The following MRPL43 variants were observed in gnomAD, a reference collection of about 807,000 sequenced individuals.
MRPL43 encodes large ribosomal subunit protein mL43.
In MRPL43, 9 loss-of-function variants were observed where a neutral mutation model predicts 12.7. The ratio of observed to expected loss-of-function variants is 0.71; its 90% confidence interval spans 0.43 to 1.24. The LOEUF (loss-of-function observed/expected upper bound fraction) is 1.24. Ranked by LOEUF, MRPL43 falls within the 50% of genes most tolerant of loss-of-function variation. MRPL43 has a pLI of 0.00. For synonymous variants in MRPL43, 116 were observed against 96.4 expected, an observed-to-expected ratio of 1.20 and a Z score of -1.19; for missense variants, 211 against 229.2, an observed-to-expected ratio of 0.92 and a Z score of 0.51.
In MRPL43 at chr10:100,986,843, G is replaced by C. The variant is rs763347299; in HGVS notation, c.371C>G (p.Pro124Arg). 27 of 1,613,902 alleles carry C rather than the reference G, an allele frequency of 1.7e-5. No homozygotes were observed. Among genetic ancestry groups the C allele is most frequent in the Non-Finnish European group, 2.3e-5 (27 of 1,180,034 alleles). ...GGGGTGCCACTGGCCCTGGATGCTA[G>C]GGTTGTCGGTGTGGAAGGGCTTGCG... Reference protein sequence around the residue: ...RIRKPFHTDNPSIQGQWHPFT... With the variant: ...RIRKPFHTDNRSIQGQWHPFT... The change falls in exon 3 of 3, where the codon CCT (proline) becomes CGT (arginine). Residue 124 changes from proline (P) to arginine (R), a missense_variant. By Grantham distance (103) the Pro-to-Arg change is moderately radical. Coordinates refer to ENST00000318364, the MANE Select transcript of MRPL43 (RefSeq NM_032112.3).
chr10:100,981,944 G>C (rs1851100341), downstream of MRPL43, among the ~76,000 whole-genome samples: 1 of 151,722 alleles, frequency 6.6e-6, no homozygotes, highest in African/African-American at 2.4e-5. Flanking sequence ...TGTAATCCCA[G>C]CTACTTGGAA....
chr10:100,983,898 G>GGGCC, downstream of MRPL43: 55 of 1,523,006 alleles, frequency 3.6e-5, no homozygotes, highest in Middle Eastern at 2.4e-4. Flanking sequence ...TGGGGAGGGA[G>GGGCC]CCCCAGCCCC....
downstream of MRPL43, chr10:100,981,383 T>C: frequency 6.2e-7 from 1 of 1,611,984 alleles, no homozygotes; most frequent in Admixed American, 1.7e-5. Context: ...GAGTAAGTGC[T>C]CAACAAACAT....
At chr10:100,980,083 T>C, downstream of MRPL43, 2 of 1,613,120 alleles carry the variant, frequency 1.2e-6, no homozygotes, top group Non-Finnish European at 8.5e-7. Flanking sequence ...AGGCAGGTGG[T>C]GGAGTCCCGA....
At chr10:100,979,055 C>G (rs1850930288), downstream of MRPL43, 1 of 1,613,032 alleles carries the variant, frequency 6.2e-7, no homozygotes, top group Non-Finnish European at 8.5e-7. Flanking sequence ...GGTATAGAGG[C>G]TGGACCTCTG....
downstream of MRPL43, chr10:100,978,677 G>A (rs774043717): frequency 1.0e-5 from 16 of 1,591,894 alleles, no homozygotes; most frequent in African/African-American, 1.3e-5. Flanking sequence ...GGGGGGTAGG[G>A]GACTATTTCT....
Position 100,987,340 on chromosome 10 carries a change from C to T in MRPL43, c.104G>A (p.Arg35His), listed in dbSNP as rs752030288. 11 of 1,612,450 alleles carry T rather than the reference C, an allele frequency of 6.8e-6. No homozygotes were observed. The highest frequency in any genetic ancestry group is 1.1e-5 in the South Asian group (1 of 91,066). The stretch of plus-strand genomic sequence containing the variant: ...GGCGCCGCGAGACGAGGCGCCGTCG[C>T]GGCTGACGCTGAAGCTCAGACGCTG... ...QLQRLSFSVS[R>H]DGASSRGARE... is the part of the protein sequence containing the mutation. Residue 35 changes from arginine to histidine, a missense_variant, in exon 1 of 3, where the codon CGC becomes CAC. Transcript: ENST00000318364.
chr10:100,980,879 T>C (rs1450944219), downstream of MRPL43: 1 of 1,610,174 alleles, frequency 6.2e-7, no homozygotes, highest in East Asian at 2.2e-5. Context: ...CTCCAGCTGC[T>C]CCCGCTACCG....
chr10:100,983,459 C>G (rs142773171), downstream of MRPL43: 1 of 1,613,986 alleles, frequency 6.2e-7, no homozygotes, highest in Non-Finnish European at 8.5e-7. Flanking sequence ...TGGGCGTGGA[C>G]GGGCTGCTGG....
downstream of MRPL43, chr10:100,980,843 C>A (rs762570919): frequency 1.1e-5 from 18 of 1,589,858 alleles, 1 homozygote; most frequent in Admixed American, 1.6e-4. Flanking sequence ...TGTGGGGGCT[C>A]CTAGCGGAGT....
downstream of MRPL43, chr10:100,984,915 C>G (rs954125817): frequency 6.9e-7 from 1 of 1,450,266 alleles, no homozygotes; most frequent in African/African-American, 1.4e-5. Flanking sequence ...CCAGGCATGT[C>G]CCATCCCCAT....
At chr10:100,983,235 C>G, downstream of MRPL43, 1 of 1,444,452 alleles carries the variant, frequency 6.9e-7, no homozygotes, top group South Asian at 1.5e-5. Flanking sequence ...TGGCAGTGAA[C>G]AGTCTGGCTT....
At chr10:100,981,203 G>C, downstream of MRPL43, 1 of 1,614,220 alleles carries the variant, frequency 6.2e-7, no homozygotes, top group South Asian at 1.1e-5. Flanking sequence ...AGAGGAAATC[G>C]AGGCTGTGAG....
downstream of MRPL43, chr10:100,981,140 G>A (rs1411684424): frequency 2.5e-6 from 4 of 1,613,742 alleles, no homozygotes; most frequent in Non-Finnish European, 3.4e-6. Flanking sequence ...AGTTCCCCTT[G>A]TTCATAAAAC....
In MRPL43 at chr10:100,987,477, C is replaced by G. The variant is rs767826282; in HGVS notation, c.-34G>C. ...CTTGGAGGCCGCGGAGCCTAAGCAG[C>G]GAGGAGAGGGGGGCGGGACTAAACC... is the stretch of plus-strand genomic sequence containing the variant. On this transcript the variant is annotated 5_prime_UTR_variant, in exon 1 of 3. Coordinates refer to ENST00000318364, the MANE Select transcript of MRPL43 (RefSeq NM_032112.3). The G allele has an allele frequency of 7.5e-6, 12 of 1,606,024 alleles. No individual in the cohort carries two copies. Among genetic ancestry groups the G allele is most frequent in the Admixed American group, 1.7e-5 (1 of 59,498 alleles).
downstream of MRPL43, chr10:100,980,390 A>G: frequency 6.5e-7 from 1 of 1,546,188 alleles, no homozygotes; most frequent in Non-Finnish European, 8.9e-7. Context: ...CTGATCACTA[A>G]TGCTTCTGAA....
Position 100,987,450 on chromosome 10 carries a change from A to G in MRPL43, c.-7T>C. The G allele has an allele frequency of 6.2e-7, 1 of 1,611,780 alleles. No individual in the cohort carries two copies. Among genetic ancestry groups the G allele is most frequent in the Non-Finnish European group, 8.5e-7 (1 of 1,179,650 alleles). On this transcript the variant is annotated 5_prime_UTR_variant, in exon 1 of 3. Coordinates refer to ENST00000318364, the MANE Select transcript of MRPL43 (RefSeq NM_032112.3). ...GAGTCCCGCGCGCCGTCATAGCTAC[A>G]GCTTGGAGGCCGCGGAGCCTAAGCA...
At chr10:100,981,434 G>A (rs1208632526), downstream of MRPL43, 12 of 1,613,970 alleles carry the variant, frequency 7.4e-6, no homozygotes, top group Admixed American at 1.7e-4. Flanking sequence ...ACATATTTAA[G>A]ATGTGAAGTG....
downstream of MRPL43, chr10:100,979,468 C>T (rs931659732): frequency 1.4e-5 from 19 of 1,398,354 alleles, no homozygotes; most frequent in Middle Eastern, 2.6e-4. Context: ...CTGCAATCTC[C>T]GCCTCCCGGG....
Sources: allele counts gnomAD v4.1 joint callset (sites outside exome capture counted in the v4.1 genomes callset), GRCh38; gene constraint gnomAD v4.1.1; transcripts MANE v1.5; gene names NCBI Gene and HGNC (gene_info 2026-07-23, HGNC 2026-07-21).